DIAPH2: variants seen among roughly 807,000 people sequenced by gnomAD.
DIAPH2 encodes diaphanous related formin 2.
A neutral mutation model predicts 92.7 loss-of-function variants in DIAPH2; 35 were observed. That is an observed-to-expected ratio of 0.38 (90% CI 0.29 to 0.50). DIAPH2 has a LOEUF of 0.50. DIAPH2 is among the 20% of genes least tolerant of loss of function. The pLI, the probability that DIAPH2 is intolerant of heterozygous loss-of-function variation, is 0.94. For missense variants in DIAPH2, 701 were observed against 819.5 expected, an observed-to-expected ratio of 0.86 and a Z score of 1.77; for synonymous variants, 301 against 280.4, an observed-to-expected ratio of 1.07 and a Z score of -0.73.
At chrX:96,763,426 C>T (rs1205385814) in intron 4 of DIAPH2, among the ~76,000 whole-genome samples, 1 of 110,525 alleles carries the variant, frequency 9.0e-6, no homozygotes, top group African/African-American at 3.3e-5. Context: ...TATGTTTTAC[C>T]TCAATTTATC....
chrX:97,265,910 T>C (rs1372260184), intron 23 of DIAPH2, among the ~76,000 whole-genome samples: 2 of 112,141 alleles, frequency 1.8e-5, no homozygotes, highest in Non-Finnish European at 3.8e-5. Flanking sequence ...GAATAACCCA[T>C]GCTCACAGCA....
intron 20 of DIAPH2, among the ~76,000 whole-genome samples, chrX:97,104,735 G>C (rs1323685029): frequency 9.0e-6 from 1 of 111,125 alleles, no homozygotes; most frequent in Admixed American, 9.6e-5. Context: ...GAGTTTCCTT[G>C]ATTATATAAC....
intron 22 of DIAPH2, among the ~76,000 whole-genome samples, chrX:97,223,986 A>C (rs960676413): frequency 7.9e-4 from 88 of 111,844 alleles, no homozygotes; most frequent in Non-Finnish European, 5.6e-4. Context: ...AGAAAAAGCA[A>C]CCATTTCCTG....
chrX:96,952,459 T>C (rs962730062), intron 15 of DIAPH2, among the ~76,000 whole-genome samples: 3 of 111,880 alleles, frequency 2.7e-5, no homozygotes, highest in African/African-American at 6.5e-5. Context: ...TTTATGGCTG[T>C]GCACAGTGGC....
chrX:97,326,977 G>T (rs915315504), intron 23 of DIAPH2, among the ~76,000 whole-genome samples: 2 of 112,333 alleles, frequency 1.8e-5, no homozygotes, highest in African/African-American at 3.2e-5. Flanking sequence ...ATTTGAAAAA[G>T]ATCCCCACCA....
At chrX:97,493,905 A>G (rs1039862456) in intron 26 of DIAPH2, among the ~76,000 whole-genome samples, 2 of 104,757 alleles carry the variant, frequency 1.9e-5, no homozygotes, top group South Asian at 8.9e-4. Flanking sequence ...AGAAAAAGGC[A>G]ACTCAAACAA....
At chrX:96,955,708 A>G (rs2065806359) in intron 15 of DIAPH2, among the ~76,000 whole-genome samples, 1 of 112,165 alleles carries the variant, frequency 8.9e-6, no homozygotes, top group African/African-American at 3.2e-5. Context: ...CTAAAATCCA[A>G]TAGGGCAGTC....
intron 15 of DIAPH2, among the ~76,000 whole-genome samples, chrX:96,954,863 G>C (rs987633242): frequency 1.8e-5 from 2 of 112,407 alleles, no homozygotes; most frequent in African/African-American, 6.5e-5. Flanking sequence ...AGTTACTAGA[G>C]CCATGAAACA....
At chrX:97,495,101 T>TGGG (rs1013823219) in intron 26 of DIAPH2, among the ~76,000 whole-genome samples, 1 of 112,305 alleles carries the variant, frequency 8.9e-6, no homozygotes, top group Non-Finnish European at 1.9e-5. Flanking sequence ...AAAGAAACTG[T>TGGG]GGGCCAAAGT....
At chrX:97,123,042 C>T (rs2067068623) in intron 21 of DIAPH2, among the ~76,000 whole-genome samples, 1 of 112,046 alleles carries the variant, frequency 8.9e-6, no homozygotes, top group African/African-American at 3.2e-5. Flanking sequence ...GTCTGTGCCT[C>T]ATTATATTAC....
chrX:97,467,695 G>T (rs2070525422), intron 26 of DIAPH2, among the ~76,000 whole-genome samples: 1 of 111,954 alleles, frequency 8.9e-6, no homozygotes, highest in Non-Finnish European at 1.9e-5. Flanking sequence ...CAGATAATTT[G>T]CATATACACT....
intron 17 of DIAPH2, among the ~76,000 whole-genome samples, chrX:96,995,885 G>A (rs5921102): frequency 0.4 from 43,026 of 107,955 alleles, 6,583 homozygotes; most frequent in South Asian, 0.55. Flanking sequence ...GTGACATCAG[G>A]CATTCATATA....
chrX:97,584,137 C>T (rs984367849), intron 26 of DIAPH2, among the ~76,000 whole-genome samples: 3 of 112,215 alleles, frequency 2.7e-5, no homozygotes, highest in Non-Finnish European at 3.8e-5. Context: ...CTGTGTTCTG[C>T]GTCGCTCAGG....
In DIAPH2 at chrX:97,376,955, A is replaced by G. The variant is rs146279789; in HGVS notation, c.3010-6954A>G. Among the ~76,000 whole-genome samples, 546 of 112,129 alleles carry G rather than the reference A, an allele frequency of 4.9e-3. 5 individuals are homozygous for G. The highest frequency in any genetic ancestry group is 0.017 in the African/African-American group (523 of 30,888). ...AGAAGAGGAACAATAAAAATACTAT[A>G]TTAAAAATAAAAATGGTACACCTGT... is the stretch of plus-strand genomic sequence containing the variant. On this transcript the variant is annotated intron_variant, in intron 24 of 26. Transcript: ENST00000324765.
At chrX:97,552,068 C>A (rs764685619) in intron 26 of DIAPH2, among the ~76,000 whole-genome samples, 1 of 111,566 alleles carries the variant, frequency 9.0e-6, no homozygotes, top group Non-Finnish European at 1.9e-5. Flanking sequence ...TAAGACTCTG[C>A]GAGCCTTAGG....
intron 4 of DIAPH2, among the ~76,000 whole-genome samples, chrX:96,789,757 C>A (rs2064485479): frequency 8.9e-6 from 1 of 111,811 alleles, no homozygotes; most frequent in African/African-American, 3.3e-5. Flanking sequence ...ATCCCCACTC[C>A]CCCAACTAGA....
At chrX:96,906,176 A>C (rs2147775295) in intron 5 of DIAPH2, among the ~76,000 whole-genome samples, 1 of 112,497 alleles carries the variant, frequency 8.9e-6, no homozygotes, top group East Asian at 2.8e-4. Flanking sequence ...TAAATTATAA[A>C]GTCTGGCCTC....
intron 19 of DIAPH2, among the ~76,000 whole-genome samples, chrX:97,098,478 T>G (rs1298139956): frequency 3.5e-5 from 4 of 112,777 alleles, no homozygotes; most frequent in African/African-American, 1.3e-4. Context: ...ATCTATTTTG[T>G]TTTACTAAGT....
intron 22 of DIAPH2, among the ~76,000 whole-genome samples, chrX:97,227,537 T>C (rs1208845436): frequency 1.8e-5 from 2 of 112,000 alleles, no homozygotes; most frequent in African/African-American, 3.2e-5. Flanking sequence ...GACAGAAATA[T>C]AACTTTTTTG....
Sources: allele counts gnomAD v4.1 joint callset (sites outside exome capture counted in the v4.1 genomes callset), GRCh38; gene constraint gnomAD v4.1.1; transcripts MANE v1.5; gene names NCBI Gene and HGNC (gene_info 2026-07-23, HGNC 2026-07-21).